ANK3: variants seen among roughly 807,000 people sequenced by gnomAD.
ANK3 encodes the protein ankyrin 3, also known as ankyrin-3.
Under a neutral mutation model 370.9 loss-of-function variants are expected in ANK3, and 57 were observed. The ratio of observed to expected loss-of-function variants is 0.15; its 90% CI spans 0.12 to 0.19. The LOEUF is 0.19. Ranked by LOEUF, ANK3 falls within the 10% of genes least tolerant of loss-of-function variation. The pLI is 1.00. For missense variants in ANK3, 4,439 were observed against 5,302.1 expected, an observed-to-expected ratio of 0.84 and a Z score of 5.06; for synonymous variants, 1,929 against 1,946.3, an observed-to-expected ratio of 0.99 and a Z score of 0.23.
intron 2 of ANK3, among the ~76,000 whole-genome samples, chr10:60,462,471 TAA>T (rs1450232565): frequency 1.3e-5 from 2 of 152,176 alleles, no homozygotes; most frequent in South Asian, 2.1e-4. Flanking sequence ...TACAATTTCT[TAA>T]AGAGTTCTAA....
chr10:60,329,959 C>T (rs944890510), intron 1 of ANK3, among the ~76,000 whole-genome samples: 2 of 152,132 alleles, frequency 1.3e-5, no homozygotes, highest in African/African-American at 4.8e-5. Context: ...TGAAACAGAA[C>T]AGAGGCCTCA....
In ANK3 at chr10:60,181,369, A is replaced by G; in HGVS notation, c.2144T>C (p.Val715Ala). 6.2e-7 allele frequency: 1 copy of G among 1,614,166 alleles called. No individual in the cohort carries two copies. Among genetic ancestry groups the G allele is most frequent in the South Asian group, 1.1e-5 (1 of 91,072 alleles). ...AQEDRVNVAE[V>A]LVNQGAHVDA... Reference sequence around the variant, plus strand: ...CACATGAGCCCCTTGGTTTACGAGGACTTCTGCCACATTCACTCGATCTTC... The same window carrying G: ...CACATGAGCCCCTTGGTTTACGAGGGCTTCTGCCACATTCACTCGATCTTC... The change falls in exon 18 of 44, where the codon GTC becomes GCC. Residue 715 changes from valine (V) to alanine (A), a missense_variant. This residue lies in a region of ANK3 where 702 missense variants were observed against 941.5 expected (regional missense o/e 0.75). Transcript: ENST00000280772.
intron 25 of ANK3, among the ~76,000 whole-genome samples, chr10:60,127,726 T>A (rs1361810210): frequency 1.4e-5 from 2 of 138,832 alleles, no homozygotes; most frequent in South Asian, 4.5e-4. Flanking sequence ...GGAGACAGAG[T>A]CTCGCTCTGT....
At chr10:60,715,442 T>A (rs1229006325) in intron 1 of ANK3, among the ~76,000 whole-genome samples, 1 of 152,052 alleles carries the variant, frequency 6.6e-6, no homozygotes, top group African/African-American at 2.4e-5. Flanking sequence ...GGGATAAACA[T>A]AAATCCAAGA....
At chr10:60,447,320 C>G (rs2064475374) in intron 2 of ANK3, among the ~76,000 whole-genome samples, 2 of 152,246 alleles carry the variant, frequency 1.3e-5, no homozygotes, top group South Asian at 2.1e-4. Flanking sequence ...AAGTATCCAA[C>G]TGAGGGTGTT....
At chr10:60,449,175 G>A (rs1282635503) in intron 2 of ANK3, among the ~76,000 whole-genome samples, 1 of 152,030 alleles carries the variant, frequency 6.6e-6, no homozygotes, top group Non-Finnish European at 1.5e-5. Flanking sequence ...GGAGACAGTA[G>A]TCTATATTTC....
At chr10:60,136,368 G>A (rs181066343) in intron 24 of ANK3, among the ~76,000 whole-genome samples, 71 of 152,216 alleles carry the variant, frequency 4.7e-4, no homozygotes, top group African/African-American at 1.5e-3. Flanking sequence ...CATTATTAGT[G>A]CAGCTTCTAA....
chr10:60,367,217 C>T (rs926060991), intron 1 of ANK3, among the ~76,000 whole-genome samples: 4 of 152,180 alleles, frequency 2.6e-5, no homozygotes, highest in African/African-American at 9.7e-5. Flanking sequence ...ATAACCGTTC[C>T]TACCAAATGG....
chr10:60,693,154 G>A (rs2079382187), intron 1 of ANK3, among the ~76,000 whole-genome samples: 1 of 152,172 alleles, frequency 6.6e-6, no homozygotes, highest in African/African-American at 2.4e-5. Context: ...ACAGCACCTG[G>A]AAAATCGGGT....
intron 2 of ANK3, among the ~76,000 whole-genome samples, chr10:60,429,314 A>C (rs1464652641): frequency 6.6e-6 from 1 of 152,150 alleles, no homozygotes. Context: ...GTCTAGGAGA[A>C]AGTAAGAAAG....
At chr10:60,564,109 T>C (rs2077403487) in intron 2 of ANK3, among the ~76,000 whole-genome samples, 1 of 152,204 alleles carries the variant, frequency 6.6e-6, no homozygotes, top group African/African-American at 2.4e-5. Context: ...GTTTCATGGA[T>C]GTGTATGCAC....
At position 60,084,939 on chromosome 10, in the gene ANK3, C is replaced by A. The variant is rs183712318; in HGVS notation, c.3846-109G>T. The A allele has an allele frequency of 3.8e-3, 3,196 of 845,356 alleles. 24 individuals are homozygous for A. Among genetic ancestry groups the A allele is most frequent in the South Asian group, 0.018 (890 of 48,720 alleles). 52.4% of individuals were successfully genotyped at this position (845,356 alleles called of 1,614,324 possible). On this transcript the variant is annotated intron_variant, in intron 31 of 43. Transcript: ENST00000280772. Reference sequence around the variant, plus strand: ...AATATGTAAAGGAACTAACCCAAAACGTTATTAACTTGTTCATTTAAACAG... The same window carrying A: ...AATATGTAAAGGAACTAACCCAAAAAGTTATTAACTTGTTCATTTAAACAG...
At chr10:60,398,227 ATTTC>A (rs1312680016) in intron 2 of ANK3, among the ~76,000 whole-genome samples, 57 of 152,194 alleles carry the variant, frequency 3.7e-4, no homozygotes, top group Admixed American at 3.6e-3. Context: ...CTCCTTGTTA[ATTTC>A]TTTCTAACCA....
intron 1 of ANK3, among the ~76,000 whole-genome samples, chr10:60,728,337 T>C (rs1321300590): frequency 6.6e-6 from 1 of 152,208 alleles, no homozygotes; most frequent in Non-Finnish European, 1.5e-5. Flanking sequence ...CCACTTCCTG[T>C]TGGAACTAAC....
At chr10:60,091,151 C>T (rs948175998) in intron 28 of ANK3, among the ~76,000 whole-genome samples, 1 of 152,238 alleles carries the variant, frequency 6.6e-6, no homozygotes, top group South Asian at 2.1e-4. Flanking sequence ...GTGATCCCCC[C>T]AACCTTGGAC....
chr10:60,710,513 AT>A (rs567521388), intron 1 of ANK3, among the ~76,000 whole-genome samples: 17 of 152,328 alleles, frequency 1.1e-4, no homozygotes, highest in Non-Finnish European at 1.5e-5. Flanking sequence ...TTATGCATTC[AT>A]AAAATACCTT....
At chr10:60,035,575 T>C (rs1589055927) in intron 43 of ANK3, among the ~76,000 whole-genome samples, 1 of 151,918 alleles carries the variant, frequency 6.6e-6, no homozygotes, top group Admixed American at 6.6e-5. Context: ...ACAAAGCTTT[T>C]AAATAGTGAG....
intron 16 of ANK3, 107 bp downstream of exon 16, chr10:60,196,038 T>C: frequency 7.9e-6 from 7 of 891,686 alleles, no homozygotes; most frequent in Non-Finnish European, 1.2e-5. Context: ...GATTTTTTAG[T>C]GGTGCCTAAA....
At chr10:60,171,989 A>C (rs1399407403) in intron 21 of ANK3, among the ~76,000 whole-genome samples, 1 of 152,226 alleles carries the variant, frequency 6.6e-6, no homozygotes, top group East Asian at 1.9e-4. Context: ...GATGTTAAAA[A>C]ATTTCTGCCT....
Sources: allele counts gnomAD v4.1 joint callset (sites outside exome capture counted in the v4.1 genomes callset), GRCh38; gene constraint gnomAD v4.1.1; regional missense constraint gnomAD v4.1.1; transcripts MANE v1.5; gene names NCBI Gene and HGNC (gene_info 2026-07-23, HGNC 2026-07-21).